Variants in POU3F3 observed in about 807,000 individuals in gnomAD.
POU3F3 encodes the protein POU domain, class 3, transcription factor 3.
Under a neutral mutation model 8.6 loss-of-function variants are expected in POU3F3, and 1 was observed. That is an observed-to-expected ratio of 0.12 (90% CI 0.04 to 0.55). The LOEUF is 0.55. Ranked by LOEUF, POU3F3 falls within the 20% of genes least tolerant of loss-of-function variation. The pLI, the probability that POU3F3 is intolerant of heterozygous loss-of-function variation, is 0.91. For missense variants in POU3F3, 577 were observed against 690.7 expected (o/e 0.84, Z 1.84); for synonymous variants, 418 against 327.4 (o/e 1.28, Z -2.99).
At chr2:104,910,875 A>C in the POU3F3 span, among the ~76,000 whole-genome samples, 3 of 152,200 alleles carry the variant, frequency 2.0e-5, no homozygotes, top group African/African-American at 7.2e-5. Context: ...AGACAAATAC[A>C]ACAATAAAAA....
the POU3F3 span, among the ~76,000 whole-genome samples, chr2:104,878,765 G>A: frequency 1.3e-4 from 20 of 152,180 alleles, no homozygotes; most frequent in Non-Finnish European, 1.2e-4. Flanking sequence ...GGGTGTTTCT[G>A]GGTGGGTGGC....
At chr2:104,922,968 G>A in the POU3F3 span, among the ~76,000 whole-genome samples, 1 of 152,106 alleles carries the variant, frequency 6.6e-6, no homozygotes, top group East Asian at 1.9e-4. Flanking sequence ...AATTCTGGAG[G>A]CCAGAAGGCA....
Position 104,856,092 on chromosome 2 carries a change from A to C in POU3F3, c.582A>C (p.Ala194=), listed in dbSNP as rs1156317617. The part of the protein sequence containing the change: ...PGGWGAAAAA[A]AAAAAAAAAA... ...GCTGGGGGGCGGCCGCCGCTGCCGC[A>C]GCCGCAGCCGCCGCCGCCGCCGCCG... The change falls in exon 1 of 1, where the codon GCA becomes GCC. Residue 194 remains alanine, a synonymous_variant. Transcript: ENST00000361360. 9 of 1,033,184 alleles carry C rather than the reference A, an allele frequency of 8.7e-6. No individual in the cohort carries two copies. In the African/African-American group the frequency reaches 1.1e-4, roughly 13 times the overall value. The allele number at this position is 1,033,184 out of a possible 1,614,324, so 64.0% of individuals were successfully genotyped here.
chr2:104,859,159 A>C (rs1285451034), downstream of POU3F3, among the ~76,000 whole-genome samples: 1 of 152,140 alleles, frequency 6.6e-6, no homozygotes, highest in Non-Finnish European at 1.5e-5. Context: ...GTAATAAAAG[A>C]ATATAGTTCT....
the POU3F3 span, among the ~76,000 whole-genome samples, chr2:104,895,724 A>G: frequency 1.7e-3 from 263 of 152,298 alleles, no homozygotes; most frequent in African/African-American, 5.4e-3. Flanking sequence ...CTATTTTTCT[A>G]TTAACCTCAG....
the POU3F3 span, among the ~76,000 whole-genome samples, chr2:104,924,254 C>T: frequency 1.3e-5 from 2 of 152,170 alleles, no homozygotes; most frequent in Admixed American, 1.3e-4. Flanking sequence ...CACAGACCAC[C>T]TATGGAAAGA....
the POU3F3 span, among the ~76,000 whole-genome samples, chr2:104,896,774 G>A: frequency 2.4e-4 from 36 of 152,332 alleles, no homozygotes; most frequent in African/African-American, 7.9e-4. Context: ...CGCCTCTCCT[G>A]GAGAAGCCTG....
the POU3F3 span, among the ~76,000 whole-genome samples, chr2:104,879,969 T>C: frequency 6.6e-6 from 1 of 152,178 alleles, no homozygotes; most frequent in Non-Finnish European, 1.5e-5. Context: ...CATCATACGA[T>C]TTAAAAACAA....
chr2:104,885,445 C>T, the POU3F3 span, among the ~76,000 whole-genome samples: 1 of 152,280 alleles, frequency 6.6e-6, no homozygotes, highest in African/African-American at 2.4e-5. Flanking sequence ...AGACCTTGCT[C>T]ATAAAATGAT....
chr2:104,912,135 C>T, the POU3F3 span, among the ~76,000 whole-genome samples: 1 of 152,130 alleles, frequency 6.6e-6, no homozygotes, highest in African/African-American at 2.4e-5. Context: ...TCCAGGGATT[C>T]GGAGCAGTGT....
the POU3F3 span, among the ~76,000 whole-genome samples, chr2:104,874,137 A>C: frequency 2.0e-5 from 3 of 152,196 alleles, no homozygotes; most frequent in East Asian, 5.8e-4. Context: ...TTGGTCCAGC[A>C]GTGGCCCCAG....
At chr2:104,912,514 T>G in the POU3F3 span, among the ~76,000 whole-genome samples, 2 of 152,232 alleles carry the variant, frequency 1.3e-5, no homozygotes, top group Non-Finnish European at 2.9e-5. Context: ...ATTCAATACC[T>G]GAGTAGCTTG....
At chr2:104,877,388 A>T in the POU3F3 span, among the ~76,000 whole-genome samples, 1 of 152,184 alleles carries the variant, frequency 6.6e-6, no homozygotes, top group Non-Finnish European at 1.5e-5. Flanking sequence ...ACCCTGCAAA[A>T]TGCCCTTTCC....
At chr2:104,885,589 C>A in the POU3F3 span, among the ~76,000 whole-genome samples, 1 of 152,146 alleles carries the variant, frequency 6.6e-6, no homozygotes, top group Admixed American at 6.5e-5. Flanking sequence ...AGCACCATGA[C>A]AATTTACAAA....
the POU3F3 span, among the ~76,000 whole-genome samples, chr2:104,904,947 C>G: frequency 7.2e-5 from 11 of 152,042 alleles, no homozygotes; most frequent in African/African-American, 2.7e-4. Flanking sequence ...AGTGAGCTCA[C>G]GAAACATGTA....
At chr2:104,900,267 A>G in the POU3F3 span, among the ~76,000 whole-genome samples, 102,947 of 152,066 alleles carry the variant, frequency 0.68, 35,287 homozygotes, top group East Asian at 0.87. Context: ...GCATGGTTAG[A>G]TGACACTTTA....
At chr2:104,883,985 T>A in the POU3F3 span, among the ~76,000 whole-genome samples, 1 of 152,162 alleles carries the variant, frequency 6.6e-6, no homozygotes, top group Non-Finnish European at 1.5e-5. Context: ...CAACTCTCAC[T>A]TCCCTAGGTG....
At chr2:104,923,389 A>AG in the POU3F3 span, among the ~76,000 whole-genome samples, 132 of 152,282 alleles carry the variant, frequency 8.7e-4, no homozygotes, top group African/African-American at 3.0e-3. Flanking sequence ...AATACCTGAA[A>AG]GGGGGTAGGG....
the POU3F3 span, among the ~76,000 whole-genome samples, chr2:104,894,526 T>C: frequency 4.6e-5 from 7 of 152,162 alleles, no homozygotes; most frequent in African/African-American, 1.7e-4. Flanking sequence ...GTAGCCTGCC[T>C]GCACGAGTGC....
Sources: gnomAD v4.1 joint callset for allele counts (sites outside exome capture counted in the v4.1 genomes callset) on GRCh38, gnomAD v4.1.1 for gene constraint, MANE v1.5 for transcripts, NCBI Gene and HGNC (gene_info 2026-07-23, HGNC 2026-07-21) for gene names.